Variants in KTN1 observed in about 807,000 individuals in gnomAD.
KTN1 encodes kinectin 1.
A neutral mutation model predicts 222.5 loss-of-function variants in KTN1; 130 were observed. That is an observed-to-expected ratio of 0.58 (90% CI 0.51 to 0.68). The LOEUF is 0.68. Among genes scored for constraint, KTN1 ranks in the 30% least tolerant of loss-of-function variants. The probability of loss-of-function intolerance (pLI) is 0.00; values close to 1 mark genes in which losing one functional copy is unlikely to be tolerated. For missense variants in KTN1, 1,508 were observed against 1,500.4 expected, an observed-to-expected ratio of 1.01 and a Z score of -0.08; for synonymous variants, 512 against 496.3, an observed-to-expected ratio of 1.03 and a Z score of -0.42.
intron 1 of KTN1, chr14:55,601,745 T>G (rs2036001747): frequency 6.6e-6 from 1 of 152,236 alleles, no homozygotes; most frequent in East Asian, 1.9e-4. Flanking sequence ...TTATATTTTT[T>G]CTTTTTTTCA....
intron 41 of KTN1, among the ~76,000 whole-genome samples, chr14:55,677,779 A>G (rs998950437): frequency 3.3e-5 from 5 of 151,972 alleles, no homozygotes; most frequent in Admixed American, 2.0e-4. Flanking sequence ...GCTCACTGCA[A>G]CCTCCGCCTC....
chr14:55,647,813 G>A (rs1279923395), intron 19 of KTN1, among the ~76,000 whole-genome samples: 1 of 151,204 alleles, frequency 6.6e-6, no homozygotes, highest in East Asian at 1.9e-4. Context: ...GCGTGGTGGC[G>A]GGCGCCTGTA....
rs1381449672 is a variant in KTN1, at chr14:55,671,577, C to A, written c.3360C>A (p.His1120Gln). 6.2e-7 allele frequency: 1 copy of A among 1,609,578 alleles called. No homozygotes were observed. Reference protein sequence around the residue: ...SGSEEVKVLEHKLKEADEMHT... With the variant: ...SGSEEVKVLEQKLKEADEMHT... ...TTCGTTCTTTGCAGGTTCTAGAGCA[C>A]AAGTTGAAAGAAGCTGATGAAATGC... Residue 1120 changes from histidine (H) to glutamine (Q), a missense_variant, in exon 36 of 44, where the codon CAC (histidine) becomes CAA (glutamine). His to Gln is a conservative substitution (Grantham distance 24, BLOSUM62 0). Transcript: ENST00000395314.
chr14:55,627,594 A>T (rs542633681), intron 5 of KTN1, among the ~76,000 whole-genome samples: 2 of 152,124 alleles, frequency 1.3e-5, no homozygotes, highest in East Asian at 1.9e-4. Flanking sequence ...TCCTAATGCT[A>T]TCCCTCCCCT....
chr14:55,657,001 A>G (rs1346723946), intron 29 of KTN1, among the ~76,000 whole-genome samples: 7 of 152,222 alleles, frequency 4.6e-5, no homozygotes, highest in African/African-American at 7.2e-5. Flanking sequence ...TTAGTATTCA[A>G]CTTACTTACA....
chr14:55,618,224 C>A, intron 4 of KTN1, 90 bp downstream of exon 4: 2 of 923,704 alleles, frequency 2.2e-6, no homozygotes, highest in Non-Finnish European at 3.1e-6. Context: ...CTCATAGAAA[C>A]AATGCATTTC....
rs530773985 is a variant in KTN1 at position 55,672,464 on chromosome 14, C to G, written c.3532-166C>G. 179 of 526,000 alleles carry G rather than the reference C, an allele frequency of 3.4e-4. 1 individual carries two copies. The Middle Eastern group carries it at 7.0e-3, about 21-fold the overall frequency. The allele number at this position is 526,000 out of a possible 1,614,324, so 32.6% of individuals were successfully genotyped here. On this transcript the variant is annotated intron_variant, in intron 37 of 43. Transcript: ENST00000395314. The stretch of plus-strand genomic sequence containing the variant: ...AGTAGGTTTGGACCACAATTTAAAT[C>G]AAGTTCAATGTGACTCATTTTTAAG...
chr14:55,658,661 T>C (rs1377500313), intron 30 of KTN1, 47 bp downstream of exon 30: 5 of 1,112,402 alleles, frequency 4.5e-6, no homozygotes, highest in Non-Finnish European at 6.7e-6. Flanking sequence ...GGCAAAAAAA[T>C]TATATAACCA....
chr14:55,655,989 G>A (rs1221594801), intron 28 of KTN1, 53 bp from the exon 29 acceptor site: 1 of 1,083,064 alleles, frequency 9.2e-7, no homozygotes, highest in Non-Finnish European at 1.4e-6. Context: ...TTGGAGTCTG[G>A]TTTTCCTTTT....
chr14:55,645,650 A>G (rs2042210206), intron 18 of KTN1, among the ~76,000 whole-genome samples: 1 of 152,202 alleles, frequency 6.6e-6, no homozygotes. Flanking sequence ...GATTTAATGT[A>G]CTTTTGACAA....
chr14:55,617,036 T>G (rs2038491284), intron 3 of KTN1, among the ~76,000 whole-genome samples: 1 of 152,186 alleles, frequency 6.6e-6, no homozygotes, highest in Non-Finnish European at 1.5e-5. Context: ...AGCTTACATT[T>G]CCAATTAATT....
chr14:55,636,657 T>C (rs1277118775), intron 10 of KTN1, 121 bp downstream of exon 10: 7 of 627,392 alleles, frequency 1.1e-5, no homozygotes, highest in African/African-American at 1.9e-5. Flanking sequence ...AAAATAGCTT[T>C]TATACTTTCA....
intron 41 of KTN1, 150 bp from the exon 42 acceptor site, chr14:55,678,202 G>A (rs1188616422): frequency 7.0e-6 from 4 of 570,154 alleles, no homozygotes; most frequent in South Asian, 7.0e-5. Context: ...ATAATCTGGT[G>A]GGGGGTGAAG....
chr14:55,612,451 G>A lies in KTN1; in HGVS notation c.403G>A (p.Ala135Thr), dbSNP rs776818967. 24 of 1,613,970 alleles carry A rather than the reference G, an allele frequency of 1.5e-5. No homozygotes were observed. The highest frequency in any genetic ancestry group is 1.2e-4 in the African/African-American group (9 of 74,902). ...LEEQVIKESD[A>T]SKIPGKKVEP... The stretch of plus-strand genomic sequence containing the variant: ...AGAGCAGGTCATCAAAGAAAGTGAC[G>A]CATCAAAGATTCCTGGCAAAAAAGT... The change falls in exon 2 of 44, where the codon GCA (alanine) becomes ACA (threonine). Residue 135 changes from alanine (A) to threonine (T), a missense_variant. By Grantham distance (58) the Ala-to-Thr change is moderately conservative (BLOSUM62 0). Coordinates refer to ENST00000395314, the MANE Select transcript of KTN1 (RefSeq NM_001079521.2).
intron 35 of KTN1, chr14:55,671,270 C>G (rs544918839): frequency 3.0e-6 from 1 of 329,976 alleles, no homozygotes; most frequent in African/African-American, 2.1e-5. Flanking sequence ...AATCCTCTTT[C>G]CCATGTGTGT....
In KTN1 at chr14:55,631,341, G is replaced by GAGATAGATATATATATATATATAT. The variant is rs71448461; in HGVS notation, c.1221+1245_1221+1246insGATAGATATATATATATATATATA. ...CTAAAACTCACCTATTGATAAGGTTGATATATATATATATATATATATATA... is the reference window on the plus strand; with the variant it reads ...CTAAAACTCACCTATTGATAAGGTTGAGATAGATATATATATATATATATATATATATATATATATATATATATA... On this transcript the variant is annotated intron_variant, in intron 7 of 43. Transcript: ENST00000395314. Among the ~76,000 whole-genome samples the GAGATAGATATATATATATATATAT allele has an allele frequency of 9.2e-4, 105 of 114,686 alleles. 1 individual carries two copies. Among genetic ancestry groups the GAGATAGATATATATATATATATAT allele is most frequent in the Non-Finnish European group, 1.5e-3 (85 of 57,832 alleles). The allele number at this position is 114,686 out of a possible 152,430, so 75.2% of individuals were successfully genotyped here. A position where few individuals can be genotyped will look rare whatever the true frequency, so the allele number is the denominator to read the frequency against.
chr14:55,624,904 G>C (rs753253930), intron 5 of KTN1, among the ~76,000 whole-genome samples: 16 of 152,308 alleles, frequency 1.1e-4, no homozygotes, highest in Admixed American at 5.9e-4. Flanking sequence ...TTTCATTGCA[G>C]TACAAGACTA....
intron 43 of KTN1, 66 bp from the exon 44 acceptor site, chr14:55,684,033 A>G (rs377589799): frequency 1.4e-6 from 2 of 1,441,094 alleles, no homozygotes; most frequent in Non-Finnish European, 1.9e-6. Context: ...TGTTTGACAA[A>G]TGTCTTCTGA....
intron 18 of KTN1, among the ~76,000 whole-genome samples, chr14:55,646,473 T>C (rs1435793342): frequency 0.071 from 3,614 of 51,220 alleles, 301 homozygotes; most frequent in South Asian, 0.13. Context: ...TCCTTTCCTT[T>C]CCTTTCCTTT....
Sources: gnomAD v4.1 joint callset for allele counts (sites outside exome capture counted in the v4.1 genomes callset) on GRCh38, gnomAD v4.1.1 for gene constraint, MANE v1.5 for transcripts, NCBI Gene and HGNC (gene_info 2026-07-23, HGNC 2026-07-21) for gene names.